The following NEURL1 variants were observed in gnomAD, a reference collection of about 807,000 sequenced individuals.
The protein encoded by NEURL1 is E3 ubiquitin-protein ligase NEURL1.
In NEURL1, 26 loss-of-function variants were observed where a neutral mutation model predicts 41.2. That is an observed-to-expected ratio of 0.63 (90% CI 0.46 to 0.87). The LOEUF is 0.87. NEURL1 is among the 40% of genes least tolerant of loss of function. The pLI, the probability that NEURL1 is intolerant of heterozygous loss-of-function variation, is 0.00. For missense variants in NEURL1, 761 were observed against 871.1 expected (o/e 0.87, Z 1.59); for synonymous variants, 400 against 402.3 (o/e 0.99, Z 0.07).
At chr10:103,554,547 G>A (rs927564262) in intron 1 of NEURL1, among the ~76,000 whole-genome samples, 18 of 152,118 alleles carry the variant, frequency 1.2e-4, no homozygotes, top group Non-Finnish European at 1.8e-4. Flanking sequence ...CACTGCCTGG[G>A]TTTGCATTCC....
chr10:103,547,644 A>T (rs900903289), intron 1 of NEURL1, among the ~76,000 whole-genome samples: 1 of 152,178 alleles, frequency 6.6e-6, no homozygotes, highest in African/African-American at 2.4e-5. Context: ...CACAAGAAGG[A>T]GTGGGCACCA....
At chr10:103,528,253 G>C (rs2034501189) in intron 1 of NEURL1, among the ~76,000 whole-genome samples, 1 of 152,188 alleles carries the variant, frequency 6.6e-6, no homozygotes, top group Non-Finnish European at 1.5e-5. Flanking sequence ...CTACTCAAAG[G>C]CTGAGGCAGG....
At chr10:103,509,485 GTATT>G (rs1377335522) in intron 1 of NEURL1, among the ~76,000 whole-genome samples, 2 of 152,148 alleles carry the variant, frequency 1.3e-5, no homozygotes, top group African/African-American at 4.8e-5. Flanking sequence ...ACAAGGGTAA[GTATT>G]TATGCACCTA....
intron 4 of NEURL1, among the ~76,000 whole-genome samples, chr10:103,587,714 A>G (rs1382521401): frequency 6.6e-6 from 1 of 152,262 alleles, no homozygotes; most frequent in Non-Finnish European, 1.5e-5. Flanking sequence ...AGTCAGGAAT[A>G]TAATAGAGAT....
chr10:103,519,174 A>G (rs554484483), intron 1 of NEURL1, among the ~76,000 whole-genome samples: 1 of 152,152 alleles, frequency 6.6e-6, no homozygotes, highest in South Asian at 2.1e-4. Flanking sequence ...TTGAACCTGG[A>G]AGATGGAGGT....
chr10:103,519,621 A>G (rs2034299716), intron 1 of NEURL1, among the ~76,000 whole-genome samples: 1 of 152,082 alleles, frequency 6.6e-6, no homozygotes, highest in South Asian at 2.1e-4. Context: ...CTCCATAGAG[A>G]TTAAGGAACC....
At chr10:103,579,771 G>C (rs946999376) in intron 3 of NEURL1, among the ~76,000 whole-genome samples, 20 of 152,124 alleles carry the variant, frequency 1.3e-4, no homozygotes, top group Non-Finnish European at 2.8e-4. Flanking sequence ...GTGAAACCCT[G>C]TCTCTACAAA....
chr10:103,564,304 T>C (rs919625972), intron 1 of NEURL1, among the ~76,000 whole-genome samples: 30 of 152,142 alleles, frequency 2.0e-4, no homozygotes, highest in Non-Finnish European at 3.4e-4. Context: ...GTGCCCCCAC[T>C]GGGGCTCCCA....
chr10:103,545,298 G>A lies in NEURL1; in HGVS notation c.86-25574G>A, dbSNP rs2034903647. Among the ~76,000 whole-genome samples, 1 of 152,236 alleles carries A rather than the reference G, an allele frequency of 6.6e-6. No individual in the cohort carries two copies. Among genetic ancestry groups the A allele is most frequent in the Non-Finnish European group, 1.5e-5 (1 of 68,052 alleles). ...CTGAACTCTGGCTCAGGAGGGTGGG[G>A]CAGCCAGCCCTGAGCCAGCCACATG... On this transcript the variant is annotated intron_variant, in intron 1 of 5. Transcript: ENST00000369780. The surrounding 1 kb of genome is among the most constrained non-coding windows in gnomAD (Gnocchi z 4.5).
Position 103,558,952 on chromosome 10 carries a change from G to A in NEURL1, c.86-11920G>A, listed in dbSNP as rs376209495. Among the ~76,000 whole-genome samples, 1 of 152,162 alleles carries A rather than the reference G, an allele frequency of 6.6e-6. No homozygotes were observed. The highest frequency in any genetic ancestry group is 1.9e-4 in the East Asian group (1 of 5,188). On this transcript the variant is annotated intron_variant, in intron 1 of 5. Coordinates refer to ENST00000369780, the MANE Select transcript of NEURL1 (RefSeq NM_004210.5). This position sits in a 1 kb window ranked among gnomAD's most constrained non-coding sequence, Gnocchi z 4.2. ...GTCTCTGGATTTAACAAGCCTGAGT[G>A]TCAGAGGATGCTGGCGTACAGGGAC... is the stretch of plus-strand genomic sequence containing the variant.
chr10:103,515,325 C>T (rs1260434198), intron 1 of NEURL1: 2 of 147,404 alleles, frequency 1.4e-5, no homozygotes, highest in Non-Finnish European at 3.0e-5. Flanking sequence ...TTTAAAATAA[C>T]TTCTCATTTA....
At chr10:103,536,630 C>T (rs1028195785) in intron 1 of NEURL1, among the ~76,000 whole-genome samples, 5 of 152,218 alleles carry the variant, frequency 3.3e-5, no homozygotes, top group Middle Eastern at 3.4e-3. Context: ...TGGGGAGGAG[C>T]ACTAGCGGGT....
intron 3 of NEURL1, 76 bp from the exon 4 acceptor site, chr10:103,584,460 A>G (rs1410479566): frequency 3.1e-6 from 3 of 964,700 alleles, no homozygotes; most frequent in Non-Finnish European, 4.1e-6. Flanking sequence ...GTGCGCGCGT[A>G]GGGACCGGAC....
At chr10:103,572,365 C>T (rs760367728) in intron 3 of NEURL1, among the ~76,000 whole-genome samples, 5 of 152,204 alleles carry the variant, frequency 3.3e-5, no homozygotes, top group Admixed American at 6.5e-5. Flanking sequence ...TTCCAGGAGA[C>T]GGGGTTCCAA....
rs922567136 is a variant in NEURL1 at position 103,591,410 on chromosome 10, G to A, written c.*1038G>A. On this transcript the variant is annotated 3_prime_UTR_variant, in exon 6 of 6. Transcript: ENST00000369780. ...TCAGTTTAATTAATTTATTTATTTG[G>A]TTTGTGGTTTTGGGTTTTTTTTGTT... 1 of 152,312 alleles carries A rather than the reference G, an allele frequency of 6.6e-6. No homozygotes were observed. Among genetic ancestry groups the A allele is most frequent in the African/African-American group, 2.4e-5 (1 of 41,452 alleles). 9.4% of individuals were successfully genotyped at this position (152,312 alleles called of 1,614,324 possible). A position where few individuals can be genotyped will look rare whatever the true frequency, so the allele number is the denominator to read the frequency against.
chr10:103,568,110 G>T (rs1427355234), intron 1 of NEURL1, among the ~76,000 whole-genome samples: 2 of 152,174 alleles, frequency 1.3e-5, no homozygotes, highest in Non-Finnish European at 2.9e-5. Flanking sequence ...GCCCGTGAGT[G>T]TGTCTTTTGG....
rs746123873 is a variant in NEURL1 at position 103,589,601 on chromosome 10, G to A, written c.1427G>A (p.Arg476His). Residue 476 changes from arginine to histidine, a missense_variant, in exon 5 of 6, where the codon CGC becomes CAC. Coordinates refer to ENST00000369780, the MANE Select transcript of NEURL1 (RefSeq NM_004210.5). ...ACCTCGCCCAGTGCCCTGGGCAGCC[G>A]CCTGTCTGACCCCTTGCTCAGCACG... ...TPTSPSALGS[R>H]LSDPLLSTCS... is the part of the protein sequence containing the mutation. 13 of 1,613,716 alleles carry A rather than the reference G, an allele frequency of 8.1e-6. No homozygotes were observed. Among genetic ancestry groups the A allele is most frequent in the African/African-American group, 5.3e-5 (4 of 74,908 alleles).
rs1564825211 is a variant in NEURL1 at position 103,568,020 on chromosome 10, T to C, written c.86-2852T>C. ...ACTACGTGTGTGTGTAAGTGTGTGG[T>C]TCCTGGTCTCAGGGATACGGGAGAG... On this transcript the variant is annotated intron_variant, in intron 1 of 5. Coordinates refer to ENST00000369780, the MANE Select transcript of NEURL1 (RefSeq NM_004210.5). Among the ~76,000 whole-genome samples the C allele has an allele frequency of 3.3e-5, 5 of 152,290 alleles. No individual in the cohort carries two copies. In the South Asian group the frequency reaches 8.3e-4, roughly 25 times the overall value.
At position 103,571,189 on chromosome 10, in the gene NEURL1, C is replaced by G. The variant is rs1440098505; in HGVS notation, c.327+76C>G. 3 of 1,479,314 alleles carry G rather than the reference C, an allele frequency of 2.0e-6. No homozygotes were observed. The African/African-American group carries it at 4.1e-5, about 20-fold the overall frequency. The allele number at this position is 1,479,314 out of a possible 1,614,324, so 91.6% of individuals were successfully genotyped here. A position where few individuals can be genotyped will look rare whatever the true frequency, so the allele number is the denominator to read the frequency against. Reference sequence around the variant, plus strand: ...ATGGCATCCCCTGGGCCTCTGGACTCTGCCCCTCAGCCGCTGCCTGCTGCC... The same window carrying G: ...ATGGCATCCCCTGGGCCTCTGGACTGTGCCCCTCAGCCGCTGCCTGCTGCC... On this transcript the variant is annotated intron_variant, in intron 2 of 5. Transcript: ENST00000369780.
Sources: gnomAD v4.1 joint callset for allele counts (sites outside exome capture counted in the v4.1 genomes callset) on GRCh38, gnomAD v4.1.1 for gene constraint, Gnocchi (gnomAD v3.1) non-coding constraint, MANE v1.5 for transcripts, NCBI Gene and HGNC (gene_info 2026-07-23, HGNC 2026-07-21) for gene names.